Variants in CACNA1C observed in about 807,000 individuals in gnomAD.
CACNA1C encodes the protein calcium voltage-gated channel subunit alpha1 C, also known as voltage-dependent L-type calcium channel subunit alpha-1C.
Under a neutral mutation model 229.0 loss-of-function variants are expected in CACNA1C, and 30 were observed. The ratio of observed to expected loss-of-function variants is 0.13; its 90% CI spans 0.10 to 0.18. CACNA1C has a LOEUF of 0.18. CACNA1C is among the 10% of genes least tolerant of loss of function. The pLI is 1.00. For synonymous variants in CACNA1C, 1,114 were observed against 1,132.5 expected (o/e 0.98, Z 0.33); for missense variants, 1,658 against 2,845.0 (o/e 0.58, Z 9.49).
At chr12:2,078,950 TA>T (rs1458179432) in intron 1 of CACNA1C, among the ~76,000 whole-genome samples, 2 of 151,894 alleles carry the variant, frequency 1.3e-5, no homozygotes, top group Non-Finnish European at 2.9e-5. Flanking sequence ...TATGCAGCCA[TA>T]AAAAATGATG....
At chr12:2,515,450 C>G (rs932700187) in intron 9 of CACNA1C, among the ~76,000 whole-genome samples, 1 of 152,224 alleles carries the variant, frequency 6.6e-6, no homozygotes, top group Non-Finnish European at 1.5e-5. Flanking sequence ...AGAAATCCTG[C>G]TACGTTTGAA....
intron 29 of CACNA1C, 98 bp from the exon 30 acceptor site, chr12:2,634,194 CTTTTT>C: frequency 1.7e-4 from 31 of 183,434 alleles, no homozygotes; most frequent in Middle Eastern, 1.6e-3. Context: ...TTTTCCATAC[CTTTTT>C]TTTTTTTTTT....
At position 2,071,722 on chromosome 12, in the gene CACNA1C, C is replaced by G. The variant is rs564996025; in HGVS notation, c.49+18111C>G. 2.0e-5 allele frequency among the ~76,000 whole-genome samples: 3 copies of G among 152,266 alleles called. No homozygotes were observed. In the South Asian group the frequency reaches 6.2e-4, roughly 32 times the overall value. ...CTTTGCTTTCCAGTTCACCAGTTTC[C>G]CCCTCATTTGTATCTGCTGCTTAGC... On this transcript the variant is annotated intron_variant, in intron 1 of 46. Transcript: ENST00000399655.
chr12:2,018,398 TACTGGCC>T (rs1565937244), intron 1 of CACNA1C: 46 of 152,360 alleles, frequency 3.0e-4, no homozygotes, highest in African/African-American at 8.4e-4. Flanking sequence ...TCGGTTTTTA[TACTGGCC>T]ATGTTGAACA....
intron 3 of CACNA1C, among the ~76,000 whole-genome samples, chr12:2,291,533 T>C (rs2093506678): frequency 1.3e-5 from 2 of 152,230 alleles, no homozygotes; most frequent in African/African-American, 4.8e-5. Flanking sequence ...AAATAAGATG[T>C]TAGAGTCTGG....
chr12:2,233,426 A>G (rs1302138987), intron 3 of CACNA1C, among the ~76,000 whole-genome samples: 2 of 152,190 alleles, frequency 1.3e-5, no homozygotes, highest in South Asian at 2.1e-4. Context: ...GCCTTTAACA[A>G]GTTTATACTA....
intron 1 of CACNA1C, among the ~76,000 whole-genome samples, chr12:2,072,286 C>T (rs745573854): frequency 2.0e-5 from 3 of 152,062 alleles, no homozygotes; most frequent in Admixed American, 6.5e-5. Flanking sequence ...GCAACCTCCA[C>T]GTTCCGGGTT....
Position 2,606,700 on chromosome 12 carries a change from G to A in CACNA1C, c.3209+37G>A, listed in dbSNP as rs375650456. Reference sequence around the variant, plus strand: ...TGGGAGGGCAGCCAGGGCCACGGCCGGTCAGCCCCAGGAGGCTGGAGGCTT... The same window carrying A: ...TGGGAGGGCAGCCAGGGCCACGGCCAGTCAGCCCCAGGAGGCTGGAGGCTT... On this transcript the variant is annotated intron_variant, in intron 25 of 46. Transcript: ENST00000399655. The A allele has an allele frequency of 4.4e-5, 69 of 1,580,544 alleles. 1 individual carries two copies. Among genetic ancestry groups the A allele is most frequent in the African/African-American group, 1.7e-4 (13 of 74,312 alleles).
At chr12:2,461,345 A>T (rs983395122) in intron 5 of CACNA1C, among the ~76,000 whole-genome samples, 7 of 151,944 alleles carry the variant, frequency 4.6e-5, no homozygotes, top group African/African-American at 1.7e-4. Flanking sequence ...CCCTTCATTC[A>T]CTTGTTTCTT....
chr12:2,406,469 TATTAGGTA>T (rs2098738559), intron 3 of CACNA1C, among the ~76,000 whole-genome samples: 1 of 152,230 alleles, frequency 6.6e-6, no homozygotes, highest in Admixed American at 6.5e-5. Flanking sequence ...CCATTCCTTA[TATTAGGTA>T]ATTTCTATTA....
In CACNA1C at chr12:2,663,735, C is replaced by CTTTTT. The variant is rs55933898; in HGVS notation, c.4233-1070_4233-1066dup. Among the ~76,000 whole-genome samples the CTTTTT allele has an allele frequency of 3.9e-4, 41 of 103,852 alleles. 2 individuals are homozygous for CTTTTT. Among genetic ancestry groups the CTTTTT allele is most frequent in the African/African-American group, 1.3e-3 (32 of 25,018 alleles). The allele number at this position is 103,852 out of a possible 152,430, so 68.1% of individuals were successfully genotyped here. On this transcript the variant is annotated intron_variant, in intron 34 of 46. Transcript: ENST00000399655. Reference sequence around the variant, plus strand: ...TAAAAAAGAATAGAGAATAGAGTATCTTTTTTTTTTTTTTTTTTTTTTTTG... The same window carrying CTTTTT: ...TAAAAAAGAATAGAGAATAGAGTATCTTTTTTTTTTTTTTTTTTTTTTTTTTTTTG...
intron 1 of CACNA1C, among the ~76,000 whole-genome samples, chr12:2,070,257 G>C (rs1426590367): frequency 1.3e-5 from 2 of 152,224 alleles, no homozygotes; most frequent in East Asian, 1.9e-4. Context: ...TCCCATGTTT[G>C]CCTGGCCTTG....
intron 1 of CACNA1C, among the ~76,000 whole-genome samples, chr12:2,089,100 T>C (rs1363193960): frequency 6.6e-6 from 1 of 152,216 alleles, no homozygotes; most frequent in Non-Finnish European, 1.5e-5. Context: ...CTGCTGATTC[T>C]GTGCTCTTGA....
Position 2,053,309 on chromosome 12 carries a change from G to T in CACNA1C, c.-254G>T. 8.2e-7 allele frequency: 1 copy of T among 1,221,734 alleles called. No individual in the cohort carries two copies. Among genetic ancestry groups the T allele is most frequent in the Non-Finnish European group, 1.0e-6 (1 of 977,430 alleles). The allele number at this position is 1,221,734 out of a possible 1,614,324, so 75.7% of individuals were successfully genotyped here. The stretch of plus-strand genomic sequence containing the variant: ...GGTGCTCAGTTCTTGGAAGGGGCCC[G>T]GATGTACTGAGGATGCGTTACAGTT... On this transcript the variant is annotated 5_prime_UTR_variant, in exon 1 of 47. Coordinates refer to ENST00000399655, the MANE Select transcript of CACNA1C (RefSeq NM_000719.7). The surrounding 1 kb of genome is among the most constrained non-coding windows in gnomAD (Gnocchi z 5.8).
chr12:2,004,710 C>G, intron 1 of CACNA1C: 1 of 466,530 alleles, frequency 2.1e-6, no homozygotes, highest in Non-Finnish European at 3.8e-6. Context: ...TTTTTCTACG[C>G]GCTCGAGCCT....
rs1383345521 is a variant in CACNA1C, at chr12:2,608,937, A to G, written c.3558+225A>G. Among the ~76,000 whole-genome samples the G allele has an allele frequency of 6.6e-6, 1 of 152,214 alleles. No individual in the cohort carries two copies. Among genetic ancestry groups the G allele is most frequent in the Admixed American group, 6.5e-5 (1 of 15,286 alleles). ...TGGCAAATGTACTCAGCCAACAAAT[A>G]TCTATGAAGCTTCTACTTAAGGATA... On this transcript the variant is annotated intron_variant, in intron 27 of 46. Coordinates refer to ENST00000399655, the MANE Select transcript of CACNA1C (RefSeq NM_000719.7). This position sits in a 1 kb window ranked among gnomAD's most constrained non-coding sequence, Gnocchi z 4.2.
intron 1 of CACNA1C, among the ~76,000 whole-genome samples, chr12:2,062,497 T>C (rs2057870320): frequency 6.6e-6 from 1 of 152,184 alleles, no homozygotes; most frequent in African/African-American, 2.4e-5. Flanking sequence ...CCACTATCTC[T>C]CTATCCTGGG....
intron 3 of CACNA1C, among the ~76,000 whole-genome samples, chr12:2,195,623 G>A (rs1413827423): frequency 6.6e-6 from 1 of 152,222 alleles, no homozygotes; most frequent in African/African-American, 2.4e-5. Flanking sequence ...TAGGAAGCAG[G>A]GGTAGGGATG....
intron 9 of CACNA1C, among the ~76,000 whole-genome samples, chr12:2,535,028 C>G (rs1013755803): frequency 6.6e-6 from 1 of 152,186 alleles, no homozygotes; most frequent in African/African-American, 2.4e-5. Context: ...CTCCCTGGGT[C>G]TTTGCCTGTA....
Sources: allele counts gnomAD v4.1 joint callset (sites outside exome capture counted in the v4.1 genomes callset), GRCh38; gene constraint gnomAD v4.1.1; non-coding constraint Gnocchi (gnomAD v3.1); transcripts MANE v1.5; gene names NCBI Gene and HGNC (gene_info 2026-07-23, HGNC 2026-07-21).